Variants in APBB2 observed in about 807,000 individuals in gnomAD.
The protein encoded by APBB2 is Fe65-like 1.
APBB2 carries 38 observed loss-of-function variants against 82.5 expected under a neutral mutation model. The observed-to-expected ratio is 0.46, with a 90% confidence interval of 0.36 to 0.60. The LOEUF is 0.60. Ranked by LOEUF, APBB2 falls within the 20% of genes least tolerant of loss-of-function variation. The pLI, the probability that APBB2 is intolerant of heterozygous loss-of-function variation, is 0.00. For synonymous variants in APBB2, 341 were observed against 368.2 expected, an observed-to-expected ratio of 0.93 and a Z score of 0.85; for missense variants, 772 against 972.3, an observed-to-expected ratio of 0.79 and a Z score of 2.74.
intron 12 of APBB2, among the ~76,000 whole-genome samples, chr4:40,837,028 G>A (rs982113822): frequency 6.6e-6 from 1 of 152,186 alleles, no homozygotes. Context: ...GTGGTCATAC[G>A]TAAGAGCAAC....
Position 40,898,035 on chromosome 4 carries a change from C to T in APBB2, c.1255-4624G>A, listed in dbSNP as rs183607628. On this transcript the variant is annotated intron_variant, in intron 10 of 17. Transcript: ENST00000508593. ...AAAGAGTAATGGTTCAGGGTAGAAC[C>T]GTGTCATCAGAGGAGTCTGGATTCA... Among the ~76,000 whole-genome samples, 458 of 152,224 alleles carry T rather than the reference C, an allele frequency of 3.0e-3. 3 individuals carry two copies. Among genetic ancestry groups the T allele is most frequent in the African/African-American group, 9.8e-3 (406 of 41,534 alleles).
chr4:40,844,074 T>A (rs769399192), intron 12 of APBB2, among the ~76,000 whole-genome samples: 1 of 152,176 alleles, frequency 6.6e-6, no homozygotes, highest in Admixed American at 6.5e-5. Flanking sequence ...GGAACATTCC[T>A]CTCTTTTGGT....
At chr4:40,956,841 C>T (rs1791755555) in intron 6 of APBB2, among the ~76,000 whole-genome samples, 1 of 152,110 alleles carries the variant, frequency 6.6e-6, no homozygotes, top group Non-Finnish European at 1.5e-5. Flanking sequence ...CATACTTTGT[C>T]TATTTTTATC....
At chr4:41,049,963 C>A (rs1049110769) in intron 4 of APBB2, among the ~76,000 whole-genome samples, 1 of 152,004 alleles carries the variant, frequency 6.6e-6, no homozygotes, top group Non-Finnish European at 1.5e-5. Context: ...CTCAAGTACC[C>A]AGGGACACAA....
At chr4:41,190,253 T>TTTA (rs1459002828) in intron 1 of APBB2, among the ~76,000 whole-genome samples, 3 of 138,904 alleles carry the variant, frequency 2.2e-5, no homozygotes, top group African/African-American at 8.2e-5. Context: ...TTTTTTTTTT[T>TTTA]TTTTTTTTTT....
At chr4:41,038,700 C>T (rs1217703354) in intron 4 of APBB2, among the ~76,000 whole-genome samples, 1 of 152,178 alleles carries the variant, frequency 6.6e-6, no homozygotes, top group Non-Finnish European at 1.5e-5. Flanking sequence ...CTATAAAACC[C>T]AATACTCCCT....
chr4:41,029,581 AG>A (rs1715875330), intron 5 of APBB2, among the ~76,000 whole-genome samples: 1 of 152,214 alleles, frequency 6.6e-6, no homozygotes, highest in Admixed American at 6.5e-5. Flanking sequence ...GATTTAAGAC[AG>A]ATGTATCACA....
intron 6 of APBB2, among the ~76,000 whole-genome samples, chr4:40,994,811 GAAA>G (rs71198624): frequency 8.9e-6 from 1 of 112,990 alleles, no homozygotes. Context: ...CAAGACTCCG[GAAA>G]AAAAAAAAAA....
chr4:41,107,655 C>A (rs928546132), intron 2 of APBB2, among the ~76,000 whole-genome samples: 5 of 152,142 alleles, frequency 3.3e-5, no homozygotes, highest in Non-Finnish European at 7.3e-5. Context: ...AAGTGGTGCT[C>A]GGCATAATCA....
intron 4 of APBB2, among the ~76,000 whole-genome samples, chr4:41,057,289 A>T (rs909170442): frequency 3.9e-5 from 6 of 152,034 alleles, no homozygotes; most frequent in Non-Finnish European, 1.5e-5. Flanking sequence ...CCTCTCTACT[A>T]AAAATACAAA....
At chr4:41,037,985 T>C (rs1443483430) in intron 4 of APBB2, among the ~76,000 whole-genome samples, 1 of 148,340 alleles carries the variant, frequency 6.7e-6, no homozygotes, top group Non-Finnish European at 1.5e-5. Context: ...CCACTACAAG[T>C]TCTACACTGA....
chr4:40,820,398 C>A (rs1260255610), intron 17 of APBB2, among the ~76,000 whole-genome samples: 4 of 152,164 alleles, frequency 2.6e-5, no homozygotes, highest in African/African-American at 9.7e-5. Context: ...GGTGCGGTGG[C>A]TCATGCCGGT....
intron 6 of APBB2, among the ~76,000 whole-genome samples, chr4:40,946,048 T>G (rs895485802): frequency 6.6e-6 from 1 of 151,890 alleles, no homozygotes; most frequent in Admixed American, 6.6e-5. Flanking sequence ...GCCTGACCAA[T>G]GTGGTGAAAG....
intron 4 of APBB2, among the ~76,000 whole-genome samples, chr4:41,038,809 A>G (rs908933009): frequency 2.0e-5 from 3 of 152,156 alleles, no homozygotes; most frequent in Admixed American, 6.5e-5. Flanking sequence ...GAAAAGGGGG[A>G]AAAAAAGGAG....
intron 5 of APBB2, among the ~76,000 whole-genome samples, chr4:41,032,287 G>A (rs1717115562): frequency 6.6e-6 from 1 of 152,084 alleles, no homozygotes; most frequent in Non-Finnish European, 1.5e-5. Flanking sequence ...TCTGTCACTT[G>A]AAGTCCTATA....
At chr4:41,148,368 C>T (rs1259971864) in intron 1 of APBB2, among the ~76,000 whole-genome samples, 2 of 152,196 alleles carry the variant, frequency 1.3e-5, no homozygotes, top group African/African-American at 4.8e-5. Context: ...AACTAACAGC[C>T]TCTTTAACCT....
At chr4:40,975,310 A>G (rs1560427664) in intron 6 of APBB2, among the ~76,000 whole-genome samples, 1 of 152,212 alleles carries the variant, frequency 6.6e-6, no homozygotes, top group African/African-American at 2.4e-5. Flanking sequence ...GTTCCAGTAT[A>G]TGGACAACAG....
intron 12 of APBB2, among the ~76,000 whole-genome samples, chr4:40,844,737 T>TGCA (rs1187503994): frequency 1.3e-5 from 2 of 152,254 alleles, no homozygotes; most frequent in Non-Finnish European, 2.9e-5. Flanking sequence ...GGTAACATTA[T>TGCA]GCAAGTCACA....
At chr4:40,921,538 C>A (rs1781261901) in intron 10 of APBB2, among the ~76,000 whole-genome samples, 1 of 152,218 alleles carries the variant, frequency 6.6e-6, no homozygotes, top group Admixed American at 6.5e-5. Flanking sequence ...GATGCCCATT[C>A]ATTCCATTGT....
Sources: allele counts gnomAD v4.1 joint callset (sites outside exome capture counted in the v4.1 genomes callset), GRCh38; gene constraint gnomAD v4.1.1; transcripts MANE v1.5; gene names NCBI Gene and HGNC (gene_info 2026-07-23, HGNC 2026-07-21).